The following ABCC8 variants were observed in gnomAD, a reference collection of about 807,000 sequenced individuals.
ABCC8 encodes ATP-binding cassette sub-family C member 8.
ABCC8 carries 137 observed loss-of-function variants against 188.0 expected under a neutral mutation model. The ratio of observed to expected loss-of-function variants is 0.73; its 90% CI spans 0.63 to 0.84. The LOEUF (loss-of-function observed/expected upper bound fraction) is 0.84, where lower values mean the gene tolerates loss of function less well. ABCC8 is among the 40% of genes least tolerant of loss of function. ABCC8 has a pLI of 0.00. For synonymous variants in ABCC8, 797 were observed against 846.5 expected (o/e 0.94, Z 1.01); for missense variants, 1,750 against 2,072.7 (o/e 0.84, Z 3.02).
At chr11:17,433,634 G>T (rs1333072167) in intron 10 of ABCC8, among the ~76,000 whole-genome samples, 1 of 152,224 alleles carries the variant, frequency 6.6e-6, no homozygotes, top group Non-Finnish European at 1.5e-5. Context: ...GATACAATGG[G>T]GAGACAGAGT....
chr11:17,393,232 G>A (rs1156727380), intron 38 of ABCC8, 104 bp from the exon 39 acceptor site: 8 of 1,327,726 alleles, frequency 6.0e-6, no homozygotes, highest in Non-Finnish European at 7.2e-6. Flanking sequence ...GGAGGATGAG[G>A]CATGTGGCCA....
intron 5 of ABCC8, 178 bp from the exon 6 acceptor site, chr11:17,460,854 C>A (rs1243292641): frequency 1.6e-6 from 2 of 1,268,260 alleles, no homozygotes; most frequent in African/African-American, 3.0e-5. Context: ...TTGGGAGGGC[C>A]CTATCAACAC....
intron 3 of ABCC8, among the ~76,000 whole-genome samples, chr11:17,464,038 AG>A (rs1847996723): frequency 6.6e-6 from 1 of 152,244 alleles, no homozygotes; most frequent in Non-Finnish European, 1.5e-5. Flanking sequence ...CAGAAAGGTT[AG>A]GTAACAGATC....
At chr11:17,474,737 G>A (rs1848663915) in intron 2 of ABCC8, 149 bp downstream of exon 2, 1 of 879,936 alleles carries the variant, frequency 1.1e-6, no homozygotes, top group African/African-American at 1.7e-5. Context: ...CCAGCTCAGA[G>A]AGGTTGGCAC....
rs556439535 is a variant in ABCC8, at chr11:17,445,715, A to G, written c.1333-2403T>C. ...GGTCAAATCTATAAGTGGTAAAGGTATATACAAACACAGAAAACCAAAGGA... is the reference window on the plus strand; with the variant it reads ...GGTCAAATCTATAAGTGGTAAAGGTGTATACAAACACAGAAAACCAAAGGA... On this transcript the variant is annotated intron_variant, in intron 8 of 38. Coordinates refer to ENST00000389817, the MANE Select transcript of ABCC8 (RefSeq NM_000352.6). Among the ~76,000 whole-genome samples, 11 of 152,306 alleles carry G rather than the reference A, an allele frequency of 7.2e-5. No homozygotes were observed. The South Asian group carries it at 1.9e-3, about 26-fold the overall frequency.
Position 17,394,297 on chromosome 11 carries a change from T to A in ABCC8, c.4514A>T (p.Asp1505Val). 6.2e-7 allele frequency: 1 copy of A among 1,613,970 alleles called. No individual in the cohort carries two copies. The highest frequency in any genetic ancestry group is 8.5e-7 in the Non-Finnish European group (1 of 1,180,030). The part of the protein sequence containing the change: ...FVRKTSIFIM[D>V]EATASIDMAT... ...CATGTCAATGGAAGCCGTGGCCTCGTCCATGATGAAGATGCTGGTCTTCCT... is the reference window on the plus strand; with the variant it reads ...CATGTCAATGGAAGCCGTGGCCTCGACCATGATGAAGATGCTGGTCTTCCT... Residue 1505 changes from aspartate (D) to valine (V), a missense_variant, in exon 37 of 39, where the codon GAC (aspartate) becomes GTC (valine). Asp to Val is a radical substitution (Grantham distance 152). Transcript: ENST00000389817.
chr11:17,476,514 G>C (rs1848784556), intron 1 of ABCC8, 115 bp downstream of exon 1: 3 of 1,335,282 alleles, frequency 2.2e-6, no homozygotes, highest in Non-Finnish European at 3.1e-6. Context: ...CCCCGGGAAC[G>C]AGGCGGACGG....
At chr11:17,452,764 C>T (rs950979052) in intron 7 of ABCC8, among the ~76,000 whole-genome samples, 1 of 152,208 alleles carries the variant, frequency 6.6e-6, no homozygotes, top group African/African-American at 2.4e-5. Context: ...AACTCTGGAA[C>T]AGCCACTTAG....
At chr11:17,428,937 T>C in intron 12 of ABCC8, 1 of 559,280 alleles carries the variant, frequency 1.8e-6, no homozygotes, top group Non-Finnish European at 3.2e-6. Context: ...TGAAGTTAGT[T>C]AGTCTGGGTT....
intron 30 of ABCC8, 176 bp from the exon 31 acceptor site, chr11:17,397,973 C>A: frequency 1.2e-6 from 1 of 809,414 alleles, no homozygotes; most frequent in Non-Finnish European, 1.5e-6. Context: ...GCCCCAGGAG[C>A]CAACATGTCC....
chr11:17,435,889 G>T, intron 10 of ABCC8: 1 of 1,318,208 alleles, frequency 7.6e-7, no homozygotes, highest in South Asian at 1.2e-5. Flanking sequence ...TTCCAAATAA[G>T]ACTCAAAGTT....
chr11:17,468,617 G>A (rs544275986), intron 3 of ABCC8, among the ~76,000 whole-genome samples: 76 of 152,226 alleles, frequency 5.0e-4, no homozygotes, highest in African/African-American at 1.8e-3. Context: ...AAATAATAAT[G>A]GTACCTACCT....
chr11:17,415,005 T>A (rs1226702810), intron 18 of ABCC8, among the ~76,000 whole-genome samples: 3 of 118,860 alleles, frequency 2.5e-5, no homozygotes, highest in African/African-American at 1.7e-4. Flanking sequence ...ATGGAAGAAC[T>A]TTTTTTTTTT....
chr11:17,414,649 A>G (rs1241185042), intron 18 of ABCC8, 39 bp from the exon 19 acceptor site: 3 of 1,612,704 alleles, frequency 1.9e-6, no homozygotes, highest in East Asian at 2.2e-5. Context: ...TGCGGAAGGC[A>G]TTCTCAGGGG....
intron 10 of ABCC8, among the ~76,000 whole-genome samples, chr11:17,433,732 C>T (rs1955953871): frequency 6.6e-6 from 1 of 152,234 alleles, no homozygotes; most frequent in Admixed American, 6.5e-5. Context: ...AGGCAAGGCT[C>T]CTGCAATTGG....
chr11:17,428,093 C>T (rs1337278971), intron 14 of ABCC8, 151 bp from the exon 15 acceptor site: 1 of 1,580,764 alleles, frequency 6.3e-7, no homozygotes, highest in Non-Finnish European at 8.6e-7. Flanking sequence ...GGAGACTGGC[C>T]TTCTCATGCT....
intron 10 of ABCC8, among the ~76,000 whole-genome samples, chr11:17,432,545 G>C (rs1955896188): frequency 6.6e-6 from 1 of 152,218 alleles, no homozygotes; most frequent in Admixed American, 6.5e-5. Flanking sequence ...GGGAGAGTTG[G>C]CTGGCTGTGG....
At chr11:17,453,050 A>G in intron 7 of ABCC8, 69 bp downstream of exon 7, 3 of 1,332,304 alleles carry the variant, frequency 2.3e-6, no homozygotes, top group Non-Finnish European at 1.1e-6. Context: ...ATGAGGATGA[A>G]TAACACTCAT....
chr11:17,419,460 G>C (rs1462537287), intron 16 of ABCC8, among the ~76,000 whole-genome samples: 2 of 152,218 alleles, frequency 1.3e-5, no homozygotes, highest in Non-Finnish European at 2.9e-5. Context: ...AGAAAAGTAG[G>C]ACAAAGTATC....
Sources: allele counts gnomAD v4.1 joint callset (sites outside exome capture counted in the v4.1 genomes callset), GRCh38; gene constraint gnomAD v4.1.1; transcripts MANE v1.5; gene names NCBI Gene and HGNC (gene_info 2026-07-23, HGNC 2026-07-21).